Variants in CPNE8 observed in about 807,000 individuals in gnomAD.
CPNE8 encodes the protein copine-8.
A neutral mutation model predicts 81.5 loss-of-function variants in CPNE8; 45 were observed. The observed-to-expected ratio is 0.55, with a 90% CI of 0.44 to 0.71. The LOEUF is 0.71. Ranked by LOEUF, CPNE8 falls within the 30% of genes least tolerant of loss-of-function variation. CPNE8 has a pLI of 0.00. For synonymous variants in CPNE8, 252 were observed against 226.3 expected (o/e 1.11, Z -1.02); for missense variants, 594 against 672.1 (o/e 0.88, Z 1.28).
At chr12:38,828,897 G>A (rs1410349660) in intron 6 of CPNE8, among the ~76,000 whole-genome samples, 2 of 152,132 alleles carry the variant, frequency 1.3e-5, no homozygotes, top group Non-Finnish European at 2.9e-5. Flanking sequence ...AATTGAAGGT[G>A]AAGATGGAAT....
intron 16 of CPNE8, among the ~76,000 whole-genome samples, chr12:38,678,371 C>T (rs1036477583): frequency 2.0e-5 from 3 of 151,882 alleles, no homozygotes; most frequent in Admixed American, 6.6e-5. Flanking sequence ...TAGTTTTCTA[C>T]ATTCTAGATA....
intron 3 of CPNE8, among the ~76,000 whole-genome samples, chr12:38,869,834 T>C (rs1943964898): frequency 6.6e-6 from 1 of 152,204 alleles, no homozygotes; most frequent in Non-Finnish European, 1.5e-5. Flanking sequence ...TCATTATTCC[T>C]TCTTACCAAT....
At chr12:38,769,144 A>G (rs1941749595) in intron 7 of CPNE8, among the ~76,000 whole-genome samples, 1 of 152,214 alleles carries the variant, frequency 6.6e-6, no homozygotes, top group Non-Finnish European at 1.5e-5. Flanking sequence ...GAATAGGGTA[A>G]TGAACAAGGC....
chr12:38,789,024 T>G (rs1407473515), intron 6 of CPNE8, among the ~76,000 whole-genome samples: 1 of 151,946 alleles, frequency 6.6e-6, no homozygotes, highest in East Asian at 1.9e-4. Flanking sequence ...ATGTGCATCC[T>G]ACCCTAAGCA....
chr12:38,817,761 C>T (rs1943050916), intron 6 of CPNE8, among the ~76,000 whole-genome samples: 2 of 151,332 alleles, frequency 1.3e-5, no homozygotes, highest in Non-Finnish European at 2.9e-5. Flanking sequence ...GTAGCTGGGA[C>T]TACAGGCACC....
intron 7 of CPNE8, among the ~76,000 whole-genome samples, chr12:38,770,985 A>G (rs1941788180): frequency 6.6e-6 from 1 of 152,184 alleles, no homozygotes; most frequent in African/African-American, 2.4e-5. Context: ...CTATGTGTTC[A>G]TTAAAAACAA....
At position 38,773,547 on chromosome 12, in the gene CPNE8, A is replaced by T. The variant is rs573958689; in HGVS notation, c.471+2691T>A. Among the ~76,000 whole-genome samples, 8 of 152,138 alleles carry T rather than the reference A, an allele frequency of 5.3e-5. No individual in the cohort carries two copies. The South Asian group carries it at 1.7e-3, about 32-fold the overall frequency. On this transcript the variant is annotated intron_variant, in intron 7 of 19. Coordinates refer to ENST00000331366, the MANE Select transcript of CPNE8 (RefSeq NM_153634.3). ...CATAACTTAAAGCTTCAACAATATA[A>T]CCTCACTCGGCTAAATAGTGAAAAA... is the stretch of plus-strand genomic sequence containing the variant.
In CPNE8 at chr12:38,654,514, C is replaced by CAAAAAA. The variant is rs71068569; in HGVS notation, c.1507-450_1507-445dup. Among the ~76,000 whole-genome samples the CAAAAAA allele has an allele frequency of 1.1e-3, 104 of 97,524 alleles. 1 individual carries two copies. Among genetic ancestry groups the CAAAAAA allele is most frequent in the African/African-American group, 3.0e-3 (69 of 23,172 alleles). 64.0% of individuals were successfully genotyped at this position (97,524 alleles called of 152,430 possible). On this transcript the variant is annotated intron_variant, in intron 19 of 19. Transcript: ENST00000331366. ...TGGCCGACAGAGCGAGACTCTGTCT[C>CAAAAAA]AAAAAAAAAAAAAAAAAAAAATTCA...
chr12:38,775,892 C>T (rs1192512959), intron 7 of CPNE8, among the ~76,000 whole-genome samples: 1 of 152,172 alleles, frequency 6.6e-6, no homozygotes, highest in African/African-American at 2.4e-5. Flanking sequence ...TTCAGGATTA[C>T]ACACAGATCT....
intron 6 of CPNE8, among the ~76,000 whole-genome samples, chr12:38,827,777 C>T (rs1020335279): frequency 9.2e-5 from 14 of 152,054 alleles, no homozygotes; most frequent in Admixed American, 6.6e-4. Context: ...ATTGAGTAGT[C>T]ATGGACACAA....
chr12:38,841,253 C>A, intron 4 of CPNE8, among the ~76,000 whole-genome samples: 1 of 152,152 alleles, frequency 6.6e-6, no homozygotes, highest in East Asian at 1.9e-4. Context: ...CCTGAACAAT[C>A]TTAGCATTAC....
intron 10 of CPNE8, among the ~76,000 whole-genome samples, chr12:38,731,746 AC>A (rs1226857569): frequency 3.9e-5 from 6 of 151,968 alleles, no homozygotes; most frequent in Non-Finnish European, 8.8e-5. Flanking sequence ...CTTTCAAGTT[AC>A]CCAGGGAAAA....
chr12:38,724,995 C>T (rs1940660523), intron 11 of CPNE8, 96 bp from the exon 12 acceptor site: 1 of 1,044,408 alleles, frequency 9.6e-7, no homozygotes. Context: ...TGCTGCCTTC[C>T]CTTCTTATGC....
chr12:38,867,337 TGTGAGAGAGAGAGA>T (rs1943930645), intron 3 of CPNE8, among the ~76,000 whole-genome samples: 1 of 137,158 alleles, frequency 7.3e-6, no homozygotes, highest in Non-Finnish European at 1.5e-5. Context: ...TGTGTGTGTG[TGTGAGAGAGAGAGA>T]GAGAGAGAGA....
chr12:38,786,457 A>G (rs776639309), intron 6 of CPNE8, among the ~76,000 whole-genome samples: 1 of 152,134 alleles, frequency 6.6e-6, no homozygotes, highest in Non-Finnish European at 1.5e-5. Flanking sequence ...CCCAGCCTAC[A>G]TCTTTCTCTC....
At chr12:38,680,331 G>T (rs1939381615) in intron 16 of CPNE8, among the ~76,000 whole-genome samples, 1 of 151,910 alleles carries the variant, frequency 6.6e-6, no homozygotes, top group African/African-American at 2.4e-5. Context: ...TTGCAAAATG[G>T]ATTAAAACTT....
chr12:38,735,780 T>C (rs1940940044), intron 10 of CPNE8, among the ~76,000 whole-genome samples: 1 of 152,026 alleles, frequency 6.6e-6, no homozygotes, highest in African/African-American at 2.4e-5. Context: ...AGAACTAGCA[T>C]GATTTTTAAT....
chr12:38,886,721 T>C (rs571495001), intron 1 of CPNE8, among the ~76,000 whole-genome samples: 1 of 152,244 alleles, frequency 6.6e-6, no homozygotes, highest in East Asian at 1.9e-4. Context: ...CCTGGTAAAA[T>C]GAAAAATGAA....
intron 11 of CPNE8, among the ~76,000 whole-genome samples, chr12:38,726,156 T>C (rs971947984): frequency 4.6e-5 from 7 of 151,668 alleles, no homozygotes; most frequent in Admixed American, 2.0e-4. Context: ...GTCTACAGGA[T>C]AGAGTTGTAA....
Sources: allele counts gnomAD v4.1 joint callset (sites outside exome capture counted in the v4.1 genomes callset), GRCh38; gene constraint gnomAD v4.1.1; transcripts MANE v1.5; gene names NCBI Gene and HGNC (gene_info 2026-07-23, HGNC 2026-07-21).